KISS1: variants seen among roughly 807,000 people sequenced by gnomAD.
KISS1 encodes the protein KiSS-1 metastasis suppressor, also known as metastasis-suppressor KiSS-1.
For missense variants in KISS1, 182 were observed against 182.7 expected (o/e 1.00, Z 0.02); for synonymous variants, 97 against 88.7 (o/e 1.09, Z -0.52).
In KISS1 at chr1:204,192,325, A is replaced by G. The variant is rs1571665583; in HGVS notation, c.103+449T>C. Among the ~76,000 whole-genome samples the G allele has an allele frequency of 6.6e-6, 1 of 151,836 alleles. No homozygotes were observed. Among genetic ancestry groups the G allele is most frequent in the South Asian group, 2.1e-4 (1 of 4,812 alleles). The stretch of plus-strand genomic sequence containing the variant: ...AATTTTCCAGCTTATCAGTTCCCCA[A>G]TGAACTGGAGACAGTTCATTGTCTC... On this transcript the variant is annotated intron_variant, in intron 2 of 2. Transcript: ENST00000367194. The surrounding 1 kb of genome is among the most constrained non-coding windows in gnomAD (Gnocchi z 4.2).
At chr1:204,194,088 AC>A (rs1486413553) in intron 1 of KISS1, among the ~76,000 whole-genome samples, 1 of 150,516 alleles carries the variant, frequency 6.6e-6, no homozygotes, top group Non-Finnish European at 1.5e-5. Flanking sequence ...CCACACCCCC[AC>A]CCCCCATTCC....
Position 204,190,429 on chromosome 1 carries a change from C to CCCCCCA in KISS1, c.*54_*55insTGGGGG. ...CTACGTCCCCGCCCCCCGCCCCCGC[C>CCCCCCA]CCGCATGCTCTGACTCCTTTGGGGT... On this transcript the variant is annotated 3_prime_UTR_variant, in exon 3 of 3. Transcript: ENST00000367194. 1.0e-6 allele frequency: 1 copy of CCCCCCA among 998,576 alleles called. No individual in the cohort carries two copies. The highest frequency in any genetic ancestry group is 1.4e-5 in the South Asian group (1 of 73,308). The allele number at this position is 998,576 out of a possible 1,614,324, so 61.9% of individuals were successfully genotyped here.
At chr1:204,195,496 ACACACATACAC>A (rs1658840778) in intron 1 of KISS1, among the ~76,000 whole-genome samples, 1 of 149,742 alleles carries the variant, frequency 6.7e-6, no homozygotes, top group African/African-American at 2.5e-5. Flanking sequence ...CACATCATAC[ACACACATACAC>A]CACACATACC....
In KISS1 at chr1:204,190,466, T is replaced by TGTCCCGCACCTGCGCCCTCA. The variant is rs2102327917; in HGVS notation, c.*17_*18insTGAGGGCGCAGGTGCGGGAC. On this transcript the variant is annotated 3_prime_UTR_variant, in exon 3 of 3. Coordinates refer to ENST00000367194, the MANE Select transcript of KISS1 (RefSeq NM_002256.4). Reference sequence around the variant, plus strand: ...GACTCCTTTGGGGTCTGAAGTTCACTGCCCCGCACCTGCGCCCTCAGCCCC... The same window carrying TGTCCCGCACCTGCGCCCTCA: ...GACTCCTTTGGGGTCTGAAGTTCACTGTCCCGCACCTGCGCCCTCAGCCCCGCACCTGCGCCCTCAGCCCC... 6.7e-7 allele frequency: 1 copy of TGTCCCGCACCTGCGCCCTCA among 1,481,892 alleles called. No individual in the cohort carries two copies. The highest frequency in any genetic ancestry group is 1.7e-5 in the African/African-American group (1 of 58,946). 91.8% of individuals were successfully genotyped at this position (1,481,892 alleles called of 1,614,324 possible).
At chr1:204,191,352 AC>A (rs1208784720) in intron 2 of KISS1, among the ~76,000 whole-genome samples, 3 of 91,080 alleles carry the variant, frequency 3.3e-5, no homozygotes, top group South Asian at 3.7e-4. Flanking sequence ...GTGACCACCC[AC>A]CCCCCCAACC....
intron 1 of KISS1, among the ~76,000 whole-genome samples, chr1:204,195,303 TAC>T (rs1231238672): frequency 1.5e-4 from 2 of 13,044 alleles, no homozygotes; most frequent in Admixed American, 8.3e-4. Context: ...CATACACCCA[TAC>T]ACACACATAC....
At chr1:204,195,238 C>T (rs1658824456) in intron 1 of KISS1, among the ~76,000 whole-genome samples, 1 of 354 alleles carries the variant, frequency 2.8e-3, no homozygotes, top group Admixed American at 0.038. Context: ...CATATACACG[C>T]ATACACCCAT....
intron 2 of KISS1, among the ~76,000 whole-genome samples, chr1:204,191,366 G>A (rs532299618): frequency 3.1e-3 from 99 of 31,640 alleles, no homozygotes; most frequent in African/African-American, 0.011. Flanking sequence ...CCCCAACCCC[G>A]CCCAATAAGC....
At chr1:204,193,057 C>A in intron 1 of KISS1, 143 bp from the exon 2 acceptor site, 1 of 663,388 alleles carries the variant, frequency 1.5e-6, no homozygotes, top group Non-Finnish European at 2.7e-6. Flanking sequence ...AGGGATGAGT[C>A]TAAACAAATA....
At position 204,190,738 on chromosome 1, in the gene KISS1, C is replaced by A. The variant is rs1290239207; in HGVS notation, c.163G>T (p.Glu55Ter). The A allele has an allele frequency of 4.3e-6, 7 of 1,610,576 alleles. No homozygotes were observed. The highest frequency in any genetic ancestry group is 5.9e-6 in the Non-Finnish European group (7 of 1,179,324). Residue 55 changes from glutamate (E) to a stop codon, truncating the protein, a stop_gained, in exon 3 of 3, where the codon GAG becomes TAG. Transcript: ENST00000367194. LOFTEE classifies it low-confidence loss of function (END_TRUNC). ...APGEQSLPCTERKPAATARLS... is the reference protein window; with the variant it reads ...APGEQSLPCT ...CTGGCAGTAGCAGCTGGCTTCCTCT[C>A]GGTGCACGGCAGGCTCTGCTCCCCG...
At chr1:204,191,213 T>C (rs1209214860) in intron 2 of KISS1, among the ~76,000 whole-genome samples, 1 of 152,172 alleles carries the variant, frequency 6.6e-6, no homozygotes, top group Non-Finnish European at 1.5e-5. Context: ...TTGCTCATAG[T>C]GGGGCCTCAA....
chr1:204,194,910 G>A (rs1658808181), intron 1 of KISS1, among the ~76,000 whole-genome samples: 1 of 152,022 alleles, frequency 6.6e-6, no homozygotes, highest in African/African-American at 2.4e-5. Context: ...GCCCTGCAGG[G>A]GCTTCATCCT....
At chr1:204,195,273 T>TCATACACAC (rs1558254719) in intron 1 of KISS1, among the ~76,000 whole-genome samples, 2 of 4,892 alleles carry the variant, frequency 4.1e-4, no homozygotes, top group African/African-American at 9.3e-4. Flanking sequence ...CACACACACA[T>TCATACACAC]ACACCACACA....
At chr1:204,195,679 CACACACATAT>C (rs1170415232) in intron 1 of KISS1, among the ~76,000 whole-genome samples, 7 of 131,902 alleles carry the variant, frequency 5.3e-5, no homozygotes, top group Non-Finnish European at 8.3e-5. Flanking sequence ...GCACACACAT[CACACACATAT>C]ACACACATAC....
At chr1:204,194,169 T>C (rs1455655091) in intron 1 of KISS1, among the ~76,000 whole-genome samples, 1 of 152,122 alleles carries the variant, frequency 6.6e-6, no homozygotes, top group Non-Finnish European at 1.5e-5. Context: ...TGAGGAGTAC[T>C]TGAATCTTGC....
Position 204,190,409 on chromosome 1 carries a change from T to TTTG in KISS1, c.*74_*75insCAA. 3 of 570,142 alleles carry TTTG rather than the reference T, an allele frequency of 5.3e-6. No homozygotes were observed. The highest frequency in any genetic ancestry group is 2.5e-5 in the African/African-American group (1 of 40,318). The allele number at this position is 570,142 out of a possible 1,614,324, so 35.3% of individuals were successfully genotyped here. ...CAGCGCCCCCTCCCTTAGCCCTACG[T>TTTG]CCCCGCCCCCCGCCCCCGCCCCGCA... On this transcript the variant is annotated 3_prime_UTR_variant, in exon 3 of 3. Coordinates refer to ENST00000367194, the MANE Select transcript of KISS1 (RefSeq NM_002256.4).
chr1:204,190,705 G>T lies in KISS1; in HGVS notation c.196C>A (p.Arg66Ser), dbSNP rs1658723285. 10 of 1,605,394 alleles carry T rather than the reference G, an allele frequency of 6.2e-6. No individual in the cohort carries two copies. Among genetic ancestry groups the T allele is most frequent in the Non-Finnish European group, 8.5e-6 (10 of 1,177,064 alleles). ...GGCGGGGACAGCGAGGTCCCCCGAC[G>T]GCTCAGCCTGGCAGTAGCAGCTGGC... ...RKPAATARLS[R>S]RGTSLSPPPE... The change falls in exon 3 of 3, where the codon CGT becomes AGT. Residue 66 changes from arginine (R) to serine (S), a missense_variant. By Grantham distance (110) the Arg-to-Ser change is moderately radical. Transcript: ENST00000367194.
chr1:204,193,808 C>T (rs1658788625), intron 1 of KISS1, among the ~76,000 whole-genome samples: 2 of 152,236 alleles, frequency 1.3e-5, no homozygotes, highest in East Asian at 1.9e-4. Context: ...CCCACCGACA[C>T]CCCACATACC....
intron 2 of KISS1, among the ~76,000 whole-genome samples, chr1:204,191,987 C>T (rs998771243): frequency 1.3e-5 from 2 of 152,176 alleles, no homozygotes; most frequent in Non-Finnish European, 2.9e-5. Flanking sequence ...GCTTGGCAAA[C>T]GACACCCGGG....
Sources: gnomAD v4.1 joint callset for allele counts (sites outside exome capture counted in the v4.1 genomes callset) on GRCh38, gnomAD v4.1.1 for gene constraint, Gnocchi (gnomAD v3.1) non-coding constraint, MANE v1.5 for transcripts, NCBI Gene and HGNC (gene_info 2026-07-23, HGNC 2026-07-21) for gene names.